The following HEATR5A variants were observed in gnomAD, a reference collection of about 807,000 sequenced individuals.
HEATR5A encodes the protein HEAT repeat containing 5A.
In HEATR5A, 178 loss-of-function variants were observed where a neutral mutation model predicts 218.8. The ratio of observed to expected loss-of-function variants is 0.81; its 90% CI spans 0.72 to 0.92. The LOEUF (loss-of-function observed/expected upper bound fraction) is 0.92. Among genes scored for constraint, HEATR5A ranks in the 40% least tolerant of loss-of-function variants. The pLI is 0.00. For synonymous variants in HEATR5A, 864 were observed against 871.6 expected, an observed-to-expected ratio of 0.99 and a Z score of 0.15; for missense variants, 2,420 against 2,418.9, an observed-to-expected ratio of 1.00 and a Z score of -0.01.
intron 1 of HEATR5A, among the ~76,000 whole-genome samples, chr14:31,417,991 T>C (rs891492950): frequency 1.3e-5 from 2 of 152,084 alleles, no homozygotes; most frequent in Non-Finnish European, 2.9e-5. Context: ...GCGGATCACC[T>C]GAGATCAGGA....
rs192205988 is a variant in HEATR5A, at chr14:31,323,762, T to C, written c.3590A>G (p.Glu1197Gly). The C allele has an allele frequency of 3.3e-4, 531 of 1,599,160 alleles. 1 individual carries two copies. Among genetic ancestry groups the C allele is most frequent in the African/African-American group, 3.0e-3 (226 of 74,682 alleles). Residue 1197 changes from glutamate to glycine, a missense_variant, in exon 24 of 36, where the codon GAA (glutamate) becomes GGA (glycine). By Grantham distance (98) the Glu-to-Gly change is moderately conservative. Coordinates refer to ENST00000543095, the MANE Select transcript of HEATR5A (RefSeq NM_015473.4). ...TGAGGCATCATCCCCTTTATCTCCT[T>C]CTTCTTCTTGCATTGTATCCACACA... ...VTCVDTMQEE[E>G]GDKGDDASVL...
chr14:31,320,263 G>A, intron 25 of HEATR5A: 3 of 706,586 alleles, frequency 4.2e-6, no homozygotes, highest in Non-Finnish European at 7.9e-6. Flanking sequence ...TCATCAAACA[G>A]AAGAGCCCCA....
intron 34 of HEATR5A, 114 bp downstream of exon 34, chr14:31,295,795 T>TA (rs1305091099): frequency 2.9e-5 from 23 of 780,478 alleles, no homozygotes; most frequent in Non-Finnish European, 4.3e-5. Context: ...AATCTAAAAA[T>TA]AAAAAAATTG....
At chr14:31,402,668 ACTT>A (rs1168108733) in intron 2 of HEATR5A, among the ~76,000 whole-genome samples, 179 bp downstream of exon 2, 3 of 152,198 alleles carry the variant, frequency 2.0e-5, no homozygotes, top group Non-Finnish European at 4.4e-5. Flanking sequence ...AATAGCGAAA[ACTT>A]CTTCTAATAA....
intron 17 of HEATR5A, 150 bp from the exon 18 acceptor site, chr14:31,350,129 A>G: frequency 2.0e-6 from 1 of 505,940 alleles, no homozygotes. Context: ...CCACACTGAT[A>G]ATACAAATAT....
rs1349316230 is a variant in HEATR5A at position 31,388,131 on chromosome 14, A to G, written c.933+714T>C. Among the ~76,000 whole-genome samples, 3 of 152,130 alleles carry G rather than the reference A, an allele frequency of 2.0e-5. No individual in the cohort carries two copies. The East Asian group carries it at 5.8e-4, about 29-fold the overall frequency. ...TTCATGAATATTAATGGTTTTTCTT[A>G]CTCCATAGATATAAAGTAGTTTTAA... is the stretch of plus-strand genomic sequence containing the variant. On this transcript the variant is annotated intron_variant, in intron 7 of 35. Transcript: ENST00000543095.
chr14:31,392,295 T>C (rs1230750204), intron 6 of HEATR5A, among the ~76,000 whole-genome samples: 3 of 152,112 alleles, frequency 2.0e-5, no homozygotes, highest in Non-Finnish European at 4.4e-5. Context: ...ATAATTATGA[T>C]GCAATGTATC....
At chr14:31,383,802 A>T (rs1159106671) in intron 9 of HEATR5A, 31 bp from the exon 10 acceptor site, 1 of 1,588,654 alleles carries the variant, frequency 6.3e-7, no homozygotes, top group Non-Finnish European at 8.6e-7. Flanking sequence ...TGACTTAGGT[A>T]CATAGATAAA....
chr14:31,393,513 C>CA, intron 6 of HEATR5A, among the ~76,000 whole-genome samples: 1 of 152,196 alleles, frequency 6.6e-6, no homozygotes, highest in Admixed American at 6.5e-5. Flanking sequence ...GTCACACACA[C>CA]AAAAAAGCTG....
chr14:31,362,624 A>AC (rs1901661012), intron 14 of HEATR5A, among the ~76,000 whole-genome samples: 1 of 148,670 alleles, frequency 6.7e-6, no homozygotes, highest in South Asian at 2.1e-4. Flanking sequence ...AAAAAAAAAA[A>AC]AAAAAAACTA....
rs143605593 is a variant in HEATR5A, at chr14:31,374,103, C to T, written c.1861+713G>A. On this transcript the variant is annotated intron_variant, in intron 12 of 35. Coordinates refer to ENST00000543095, the MANE Select transcript of HEATR5A (RefSeq NM_015473.4). ...GGAGGACTGCTTGAGGTCAGGGGTT[C>T]GAGACCAGCCTGGGCAGCATAGTGA... Among the ~76,000 whole-genome samples the T allele has an allele frequency of 4.0e-3, 608 of 151,848 alleles. 5 individuals are homozygous for T. Among genetic ancestry groups the T allele is most frequent in the African/African-American group, 0.014 (581 of 41,394 alleles).
At chr14:31,386,652 G>T (rs2030235648) in intron 8 of HEATR5A, 77 bp from the exon 9 acceptor site, 2 of 1,337,552 alleles carry the variant, frequency 1.5e-6, no homozygotes, top group Non-Finnish European at 1.0e-6. Context: ...GAGTAAAAAG[G>T]TATAACGGCA....
At chr14:31,369,695 A>G (rs1244974125) in intron 13 of HEATR5A, among the ~76,000 whole-genome samples, 1 of 147,044 alleles carries the variant, frequency 6.8e-6, no homozygotes, top group African/African-American at 2.5e-5. Context: ...TGGGAGGCCG[A>G]GGTGGGTTTA....
chr14:31,364,364 G>C (rs1216775222), intron 13 of HEATR5A, 66 bp from the exon 14 acceptor site: 2 of 714,186 alleles, frequency 2.8e-6, no homozygotes, highest in African/African-American at 3.6e-5. Flanking sequence ...AAAATTGACA[G>C]CTTAATATCT....
At position 31,383,572 on chromosome 14, in the gene HEATR5A, C is replaced by T; in HGVS notation, c.1545G>A (p.Leu515=). Residue 515 remains leucine (L), a synonymous_variant, in exon 10 of 36, where the codon TTG becomes TTA. Coordinates refer to ENST00000543095, the MANE Select transcript of HEATR5A (RefSeq NM_015473.4). ...VTGFSFAVAA[L]LGAVKHCPLG... ...AAGGACAATGTTTTACTGCTCCCAA[C>T]AAAGCTGCTACAGCAAAACTGAAGC... 1 of 1,613,946 alleles carries T rather than the reference C, an allele frequency of 6.2e-7. No individual in the cohort carries two copies. Among genetic ancestry groups the T allele is most frequent in the Non-Finnish European group, 8.5e-7 (1 of 1,179,854 alleles).
Position 31,394,162 on chromosome 14 carries a change from G to T in HEATR5A, c.662C>A (p.Thr221Lys). The part of the protein sequence containing the change: ...MWSTDLDSVA[T>K]LCFKSFEGSN... ...ACCTTCAAAGGACTTAAAACACAGT[G>T]TGGCCACACTGTCCAGGTCCGTACT... Residue 221 changes from threonine (T) to lysine (K), a missense_variant, in exon 6 of 36, where the codon ACA (threonine) becomes AAA (lysine). By Grantham distance (78) the Thr-to-Lys change is moderately conservative. Coordinates refer to ENST00000543095, the MANE Select transcript of HEATR5A (RefSeq NM_015473.4). 1.3e-6 allele frequency: 2 copies of T among 1,534,748 alleles called. No homozygotes were observed. Among genetic ancestry groups the T allele is most frequent in the Non-Finnish European group, 1.7e-6 (2 of 1,145,872 alleles).
At chr14:31,301,765 T>C (rs1246389075) in intron 33 of HEATR5A, among the ~76,000 whole-genome samples, 2 of 150,068 alleles carry the variant, frequency 1.3e-5, no homozygotes, top group African/African-American at 4.9e-5. Context: ...AGTGCTGGGA[T>C]TGTAGACGTG....
Position 31,336,250 on chromosome 14 carries a change from A to ATATATATATATATG in HEATR5A, c.3367+1225_3367+1226insCATATATATATATA, listed in dbSNP as rs1720842153. On this transcript the variant is annotated intron_variant, in intron 22 of 35. Transcript: ENST00000543095. ...TATATATATATATATATATATATATATATATATATATATAATTTTTAAAAA... is the reference window on the plus strand; with the variant it reads ...TATATATATATATATATATATATATATATATATATATATGTATATATATATATAATTTTTAAAAA... Among the ~76,000 whole-genome samples the ATATATATATATATG allele has an allele frequency of 1.4e-4, 13 of 89,768 alleles. No homozygotes were observed. The South Asian group carries it at 1.6e-3, about 11-fold the overall frequency. The allele number at this position is 89,768 out of a possible 152,430, so 58.9% of individuals were successfully genotyped here.
intron 1 of HEATR5A, among the ~76,000 whole-genome samples, chr14:31,417,081 A>G (rs1278259592): frequency 6.6e-6 from 1 of 152,122 alleles, no homozygotes; most frequent in Non-Finnish European, 1.5e-5. Flanking sequence ...ACAAATAAAT[A>G]AAACAAAAAA....
Sources: allele counts gnomAD v4.1 joint callset (sites outside exome capture counted in the v4.1 genomes callset), GRCh38; gene constraint gnomAD v4.1.1; transcripts MANE v1.5; gene names NCBI Gene and HGNC (gene_info 2026-07-23, HGNC 2026-07-21).